The following KIF6 variants were observed in gnomAD, a reference collection of about 807,000 sequenced individuals.
The protein encoded by KIF6 is kinesin family member 6, also known as kinesin-like protein KIF6.
A neutral mutation model predicts 112.7 loss-of-function variants in KIF6; 106 were observed. That is an observed-to-expected ratio of 0.94 (90% CI 0.80 to 1.11). The LOEUF is 1.11. Ranked by LOEUF, KIF6 falls within the 50% of genes least tolerant of loss-of-function variation. The pLI, the probability that KIF6 is intolerant of heterozygous loss-of-function variation, is 0.00. For missense variants in KIF6, 929 were observed against 964.0 expected (o/e 0.96, Z 0.48); for synonymous variants, 339 against 339.9 (o/e 1.00, Z 0.03).
chr6:39,668,525 A>G (rs1466062173), intron 3 of KIF6, among the ~76,000 whole-genome samples: 1 of 152,176 alleles, frequency 6.6e-6, no homozygotes, highest in Non-Finnish European at 1.5e-5. Flanking sequence ...GCACCTCAGA[A>G]TCTCCAGTAT....
chr6:39,522,879 C>T (rs1310194109), intron 13 of KIF6, among the ~76,000 whole-genome samples: 1 of 152,122 alleles, frequency 6.6e-6, no homozygotes, highest in Non-Finnish European at 1.5e-5. Flanking sequence ...TCCTGGCTAC[C>T]CTTCTCCTTA....
At chr6:39,383,541 C>G (rs372105656) in intron 16 of KIF6, among the ~76,000 whole-genome samples, 3 of 152,106 alleles carry the variant, frequency 2.0e-5, no homozygotes, top group African/African-American at 7.2e-5. Flanking sequence ...GTACTAATAC[C>G]GTACTGTTTT....
At position 39,343,366 on chromosome 6, in the gene KIF6, C is replaced by T. The variant is rs1210611686; in HGVS notation, c.2428+343G>A. The T allele has an allele frequency of 6.8e-6, 9 of 1,316,272 alleles. No homozygotes were observed. Among genetic ancestry groups the T allele is most frequent in the Non-Finnish European group, 8.9e-6 (9 of 1,006,670 alleles). 81.5% of individuals were successfully genotyped at this position (1,316,272 alleles called of 1,614,324 possible). A position where few individuals can be genotyped will look rare whatever the true frequency, so the allele number is the denominator to read the frequency against. On this transcript the variant is annotated intron_variant, in intron 22 of 22. Transcript: ENST00000287152. This position sits in a 1 kb window ranked among gnomAD's most constrained non-coding sequence, Gnocchi z 4.1. ...GAGTTACCAAAACATCACTCAGCCCCTTCCTGTTTGTAGAAGCCTGAGCAG... is the reference window on the plus strand; with the variant it reads ...GAGTTACCAAAACATCACTCAGCCCTTTCCTGTTTGTAGAAGCCTGAGCAG...
chr6:39,441,729 C>T (rs1446935253), intron 13 of KIF6, among the ~76,000 whole-genome samples: 1 of 152,248 alleles, frequency 6.6e-6, no homozygotes, highest in Non-Finnish European at 1.5e-5. Context: ...ACTCAACCTA[C>T]TTCCTCCTCT....
intron 3 of KIF6, among the ~76,000 whole-genome samples, chr6:39,669,380 A>C (rs1786671090): frequency 6.6e-6 from 1 of 152,218 alleles, no homozygotes; most frequent in Non-Finnish European, 1.5e-5. Context: ...TATGCAAAGC[A>C]CACACATATG....
At chr6:39,716,764 A>G (rs771837867) in intron 2 of KIF6, among the ~76,000 whole-genome samples, 1 of 152,134 alleles carries the variant, frequency 6.6e-6, no homozygotes, top group Non-Finnish European at 1.5e-5. Context: ...GGCTTTTTCT[A>G]AACTCCATTT....
In KIF6 at chr6:39,562,902, A is replaced by G. The variant is rs1460805922; in HGVS notation, c.1181+15154T>C. The stretch of plus-strand genomic sequence containing the variant: ...ATTTTAAATGTCTTTATTTTGCCTG[A>G]TCATAAAGTAATGCATGTTCATTGC... On this transcript the variant is annotated intron_variant, in intron 10 of 22. Coordinates refer to ENST00000287152, the MANE Select transcript of KIF6 (RefSeq NM_145027.6). Among the ~76,000 whole-genome samples, 6 of 152,188 alleles carry G rather than the reference A, an allele frequency of 3.9e-5. No individual in the cohort carries two copies. The South Asian group carries it at 1.0e-3, about 26-fold the overall frequency.
intron 13 of KIF6, among the ~76,000 whole-genome samples, chr6:39,471,852 C>A (rs1774132889): frequency 1.3e-5 from 2 of 152,118 alleles, no homozygotes. Context: ...ATCAAGGAAA[C>A]CATCTGGAAT....
At chr6:39,599,410 T>C (rs1261469945) in intron 6 of KIF6, among the ~76,000 whole-genome samples, 1 of 152,094 alleles carries the variant, frequency 6.6e-6, no homozygotes, top group African/African-American at 2.4e-5. Context: ...TACACCAGAG[T>C]TGATTTACAC....
At chr6:39,494,469 T>G (rs1326751935) in intron 13 of KIF6, among the ~76,000 whole-genome samples, 2 of 152,196 alleles carry the variant, frequency 1.3e-5, no homozygotes, top group Non-Finnish European at 2.9e-5. Context: ...TTTTTGGAGC[T>G]CTAGAGAAGA....
intron 6 of KIF6, among the ~76,000 whole-genome samples, chr6:39,601,262 G>T (rs1782554209): frequency 6.6e-6 from 1 of 152,006 alleles, no homozygotes; most frequent in Non-Finnish European, 1.5e-5. Context: ...CCACTTATCT[G>T]TATCTCCCCC....
intron 13 of KIF6, among the ~76,000 whole-genome samples, chr6:39,457,637 GA>G (rs1435127142): frequency 2.6e-5 from 4 of 151,522 alleles, no homozygotes; most frequent in Non-Finnish European, 5.9e-5. Flanking sequence ...GACTAATAAA[GA>G]AAAAAAGAGA....
chr6:39,624,826 G>A (rs1784006024), intron 5 of KIF6, among the ~76,000 whole-genome samples: 1 of 138,102 alleles, frequency 7.2e-6, no homozygotes, highest in African/African-American at 2.8e-5. Flanking sequence ...ATCCTTCCAC[G>A]CATCACTTAT....
At chr6:39,594,209 TAA>T (rs61424840) in intron 7 of KIF6, among the ~76,000 whole-genome samples, 7 of 143,398 alleles carry the variant, frequency 4.9e-5, no homozygotes, top group African/African-American at 1.3e-4. Context: ...CTTATAGAAT[TAA>T]AAAAAAAAAA....
At chr6:39,399,117 G>T (rs115615564) in intron 15 of KIF6, among the ~76,000 whole-genome samples, 1 of 152,166 alleles carries the variant, frequency 6.6e-6, no homozygotes, top group Non-Finnish European at 1.5e-5. Flanking sequence ...AGTTGAACTT[G>T]CCAGCCCCTA....
At chr6:39,517,375 T>C (rs1376788870) in intron 13 of KIF6, among the ~76,000 whole-genome samples, 3 of 152,212 alleles carry the variant, frequency 2.0e-5, no homozygotes, top group Non-Finnish European at 4.4e-5. Flanking sequence ...TTGAGTCAGA[T>C]GACTATCTTG....
At chr6:39,720,175 C>T (rs913055203) in intron 2 of KIF6, among the ~76,000 whole-genome samples, 1 of 152,214 alleles carries the variant, frequency 6.6e-6, no homozygotes, top group South Asian at 2.1e-4. Context: ...CTTCAAAAAT[C>T]CTTCATATGT....
At chr6:39,565,140 A>G (rs896768743) in intron 10 of KIF6, among the ~76,000 whole-genome samples, 22 of 152,332 alleles carry the variant, frequency 1.4e-4, no homozygotes, top group African/African-American at 5.1e-4. Context: ...CATATGGACA[A>G]TTCTCGAAAC....
chr6:39,387,113 TC>T (rs1400017976), intron 15 of KIF6, among the ~76,000 whole-genome samples: 5 of 152,022 alleles, frequency 3.3e-5, no homozygotes, highest in African/African-American at 9.7e-5. Flanking sequence ...AATTTAGGAA[TC>T]CCTTCTACAG....
Sources: allele counts gnomAD v4.1 joint callset (sites outside exome capture counted in the v4.1 genomes callset), GRCh38; gene constraint gnomAD v4.1.1; non-coding constraint Gnocchi (gnomAD v3.1); transcripts MANE v1.5; gene names NCBI Gene and HGNC (gene_info 2026-07-23, HGNC 2026-07-21).